CCDC7: variants seen among roughly 807,000 people sequenced by gnomAD.
The protein encoded by CCDC7 is coiled-coil domain-containing protein 7.
A neutral mutation model predicts 196.9 loss-of-function variants in CCDC7; 183 were observed. The observed-to-expected ratio is 0.93, with a 90% CI of 0.82 to 1.05. CCDC7 has a LOEUF of 1.05. Ranked by LOEUF, CCDC7 falls within the 50% of genes least tolerant of loss-of-function variation. CCDC7 has a pLI of 0.00. For missense variants in CCDC7, 1,540 were observed against 1,482.2 expected (o/e 1.04, Z -0.64); for synonymous variants, 525 against 484.6 (o/e 1.08, Z -1.10).
At chr10:32,570,824 A>G (rs188809583) in intron 15 of CCDC7, among the ~76,000 whole-genome samples, 140 of 152,318 alleles carry the variant, frequency 9.2e-4, no homozygotes, top group African/African-American at 3.1e-3. Context: ...TTGACCATTT[A>G]GGAGTCTTTG....
At chr10:32,850,545 G>T (rs1410154794) in intron 39 of CCDC7, among the ~76,000 whole-genome samples, 1 of 152,118 alleles carries the variant, frequency 6.6e-6, no homozygotes, top group African/African-American at 2.4e-5. Context: ...CACAGAGACC[G>T]TCACTGAAAT....
At chr10:32,503,159 T>C (rs2947087) in intron 9 of CCDC7, among the ~76,000 whole-genome samples, 140,634 of 152,144 alleles carry the variant, frequency 0.92, 65,962 homozygotes, top group East Asian at 1. Flanking sequence ...TGACTAATTG[T>C]CCTGGCTTGG....
chr10:32,659,852 A>G (rs1381259401), intron 20 of CCDC7, among the ~76,000 whole-genome samples: 2 of 152,246 alleles, frequency 1.3e-5, no homozygotes, highest in Admixed American at 6.5e-5. Flanking sequence ...GCAAAGGAAA[A>G]GGAACACTTA....
chr10:32,522,925 C>A (rs977187884), intron 11 of CCDC7, among the ~76,000 whole-genome samples: 24 of 152,014 alleles, frequency 1.6e-4, no homozygotes, highest in Non-Finnish European at 2.8e-4. Context: ...ACTGATTGGT[C>A]ATTCAGGAGC....
At chr10:32,737,853 G>T (rs1371457139) in intron 28 of CCDC7, among the ~76,000 whole-genome samples, 1 of 152,032 alleles carries the variant, frequency 6.6e-6, no homozygotes, top group Non-Finnish European at 1.5e-5. Context: ...GCTTTGCTTT[G>T]ATTAGTTAGC....
intron 20 of CCDC7, among the ~76,000 whole-genome samples, chr10:32,659,973 G>A (rs952186451): frequency 6.6e-6 from 1 of 152,078 alleles, no homozygotes; most frequent in East Asian, 1.9e-4. Context: ...CCCGTTACTG[G>A]GTATATACCC....
At position 32,616,755 on chromosome 10, in the gene CCDC7, A is replaced by G. The variant is rs1032460881; in HGVS notation, c.1802-17499A>G. Reference sequence around the variant, plus strand: ...TGTCTTCTGCCAGTTCTTAGAGGGAATGCTTTCAACTTTTCCTCATTAAGA... The same window carrying G: ...TGTCTTCTGCCAGTTCTTAGAGGGAGTGCTTTCAACTTTTCCTCATTAAGA... On this transcript the variant is annotated intron_variant, in intron 18 of 41. Coordinates refer to ENST00000639629, the Ensembl canonical transcript of CCDC7. 2.8e-4 allele frequency among the ~76,000 whole-genome samples: 42 copies of G among 151,890 alleles called. 2 individuals carry two copies. The highest frequency in any genetic ancestry group is 4.1e-4 in the South Asian group (2 of 4,822).
At chr10:32,680,010 A>G (rs2075626104) in intron 21 of CCDC7, among the ~76,000 whole-genome samples, 1 of 152,228 alleles carries the variant, frequency 6.6e-6, no homozygotes, top group Non-Finnish European at 1.5e-5. Flanking sequence ...ACAAAGGCCA[A>G]AGAGCTGTTG....
intron 41 of CCDC7, among the ~76,000 whole-genome samples, chr10:32,857,281 AACT>A (rs1381338922): frequency 6.6e-6 from 1 of 152,186 alleles, no homozygotes; most frequent in Non-Finnish European, 1.5e-5. Context: ...AACTTAATTA[AACT>A]AAAGACCTTC....
At chr10:32,623,993 A>T (rs2139233331) in intron 18 of CCDC7, among the ~76,000 whole-genome samples, 1 of 152,260 alleles carries the variant, frequency 6.6e-6, no homozygotes, top group South Asian at 2.1e-4. Flanking sequence ...AACACTGAGG[A>T]TTGCATTTCA....
At chr10:32,461,776 CA>C (rs886977626) in intron 3 of CCDC7, among the ~76,000 whole-genome samples, 1 of 92,278 alleles carries the variant, frequency 1.1e-5, no homozygotes, top group African/African-American at 4.1e-5. Flanking sequence ...CACATATGTA[CA>C]TTTTTTTTTT....
At chr10:32,782,717 T>C (rs1160217562) in intron 29 of CCDC7, among the ~76,000 whole-genome samples, 5 of 152,168 alleles carry the variant, frequency 3.3e-5, no homozygotes. Flanking sequence ...GGAGAATAAA[T>C]TTGGAAGTCT....
chr10:32,733,332 A>T (rs1479875537), intron 28 of CCDC7, among the ~76,000 whole-genome samples: 1 of 152,100 alleles, frequency 6.6e-6, no homozygotes, highest in Non-Finnish European at 1.5e-5. Flanking sequence ...TGAATTACAG[A>T]GGTTTTTTGA....
At chr10:32,735,913 C>T (rs1450376428) in intron 28 of CCDC7, among the ~76,000 whole-genome samples, 1 of 152,108 alleles carries the variant, frequency 6.6e-6, no homozygotes, top group Non-Finnish European at 1.5e-5. Context: ...TCCAACATCA[C>T]TTGTTGAAAA....
chr10:32,522,399 G>A (rs2048009765), intron 11 of CCDC7, among the ~76,000 whole-genome samples: 1 of 152,032 alleles, frequency 6.6e-6, no homozygotes, highest in Admixed American at 6.6e-5. Context: ...TTCAATTTTG[G>A]TAGGTTATAT....
intron 39 of CCDC7, among the ~76,000 whole-genome samples, chr10:32,851,531 G>C (rs1441095457): frequency 6.6e-6 from 1 of 152,102 alleles, no homozygotes; most frequent in Non-Finnish European, 1.5e-5. Context: ...GTTACTGTTG[G>C]ATAGAACATT....
At chr10:32,695,896 G>A (rs564003549) in intron 24 of CCDC7, among the ~76,000 whole-genome samples, 11 of 152,234 alleles carry the variant, frequency 7.2e-5, no homozygotes, top group South Asian at 6.2e-4. Context: ...ACAGAACTAC[G>A]GCATGAGCCA....
intron 12 of CCDC7, 31 bp from the exon 14 acceptor site, chr10:32,544,216 A>G (rs1050761916): frequency 3.8e-6 from 6 of 1,565,372 alleles, no homozygotes; most frequent in Admixed American, 1.8e-5. Flanking sequence ...TAAAAATATC[A>G]TGATGCATTT....
intron 18 of CCDC7, among the ~76,000 whole-genome samples, chr10:32,597,371 C>G (rs1167148023): frequency 6.6e-6 from 1 of 152,208 alleles, no homozygotes; most frequent in Non-Finnish European, 1.5e-5. Flanking sequence ...TCAGCTCCAT[C>G]AAGTCATTTA....
Sources: gnomAD v4.1 joint callset for allele counts (sites outside exome capture counted in the v4.1 genomes callset) on GRCh38, gnomAD v4.1.1 for gene constraint, MANE v1.5 for transcripts, NCBI Gene and HGNC (gene_info 2026-07-23, HGNC 2026-07-21) for gene names.